Variants in DPP6 observed in about 807,000 individuals in gnomAD.
DPP6 encodes the protein A-type potassium channel modulatory protein DPP6.
In DPP6, 69 loss-of-function variants were observed where a neutral mutation model predicts 122.6. That is an observed-to-expected ratio of 0.56 (90% CI 0.46 to 0.69). The LOEUF is 0.69. Ranked by LOEUF, DPP6 falls within the 30% of genes least tolerant of loss-of-function variation. The pLI, the probability that DPP6 is intolerant of heterozygous loss-of-function variation, is 0.00. For synonymous variants in DPP6, 418 were observed against 433.1 expected (o/e 0.97, Z 0.43); for missense variants, 928 against 1,116.9 (o/e 0.83, Z 2.41).
chr7:153,868,351 G>A, the DPP6 span, among the ~76,000 whole-genome samples: 1 of 152,106 alleles, frequency 6.6e-6, no homozygotes, highest in Non-Finnish European at 1.5e-5. Flanking sequence ...TCTATTCAGA[G>A]ATTCAAATTC....
chr7:154,437,375 C>T (rs1239865846), intron 1 of DPP6, among the ~76,000 whole-genome samples: 2 of 152,148 alleles, frequency 1.3e-5, no homozygotes, highest in African/African-American at 4.8e-5. Context: ...TCAGGAAGAG[C>T]CCATCCTCTT....
intron 1 of DPP6, among the ~76,000 whole-genome samples, chr7:154,017,625 G>A (rs150512709): frequency 6.6e-5 from 10 of 151,084 alleles, no homozygotes; most frequent in East Asian, 3.9e-4. Context: ...GCTTGAGCCC[G>A]GAATTTTAAG....
At chr7:154,453,849 T>G (rs773959818) in intron 2 of DPP6, among the ~76,000 whole-genome samples, 1 of 152,212 alleles carries the variant, frequency 6.6e-6, no homozygotes. Flanking sequence ...AGATTCATAG[T>G]TGTATTTTAG....
At chr7:153,987,324 T>G (rs1184189690) in intron 1 of DPP6, among the ~76,000 whole-genome samples, 4 of 152,262 alleles carry the variant, frequency 2.6e-5, no homozygotes, top group Non-Finnish European at 5.9e-5. Context: ...CAATGCAATT[T>G]GCTTACGTTG....
chr7:153,779,320 A>G, the DPP6 span, among the ~76,000 whole-genome samples: 5 of 151,208 alleles, frequency 3.3e-5, no homozygotes, highest in African/African-American at 1.2e-4. Context: ...AAATTAGAAC[A>G]CTCAATTATA....
intron 4 of DPP6, among the ~76,000 whole-genome samples, chr7:154,546,368 C>A (rs551750420): frequency 6.6e-6 from 1 of 151,276 alleles, no homozygotes; most frequent in Non-Finnish European, 1.5e-5. Flanking sequence ...TAATTTTAAT[C>A]GGGATTTAAA....
chr7:153,894,418 C>G (rs7810025), intron 1 of DPP6, among the ~76,000 whole-genome samples: 2,171 of 152,256 alleles, frequency 0.014, 57 homozygotes, highest in African/African-American at 0.05. Flanking sequence ...AAGCTCAGAA[C>G]AGACAGGCAG....
intron 16 of DPP6, among the ~76,000 whole-genome samples, chr7:154,842,642 T>C (rs897008019): frequency 1.3e-5 from 2 of 152,208 alleles, no homozygotes; most frequent in South Asian, 2.1e-4. Flanking sequence ...CGACCTTATA[T>C]GTGGGTTGTG....
chr7:154,853,087 G>C lies in DPP6; in HGVS notation c.1667-693G>C, dbSNP rs185641246. On this transcript the variant is annotated intron_variant, in intron 16 of 25. Coordinates refer to ENST00000377770, the MANE Select transcript of DPP6 (RefSeq NM_130797.4). Reference sequence around the variant, plus strand: ...GCCTGCCTCTTAATGTTTTCAAAAAGATATAGAAAATAATTCAGGGAGACT... The same window carrying C: ...GCCTGCCTCTTAATGTTTTCAAAAACATATAGAAAATAATTCAGGGAGACT... Among the ~76,000 whole-genome samples, 186 of 152,138 alleles carry C rather than the reference G, an allele frequency of 1.2e-3. 2 individuals are homozygous for C. The East Asian group carries it at 0.032, about 26-fold the overall frequency.
chr7:153,789,911 G>C, the DPP6 span, among the ~76,000 whole-genome samples: 1 of 152,112 alleles, frequency 6.6e-6, no homozygotes, highest in Non-Finnish European at 1.5e-5. Flanking sequence ...TCAAAGGTCA[G>C]CTGGATCTAT....
chr7:154,658,137 C>G lies in DPP6; in HGVS notation c.681-11223C>G, dbSNP rs913361926. Among the ~76,000 whole-genome samples the G allele has an allele frequency of 6.6e-5, 10 of 152,312 alleles. No homozygotes were observed. The East Asian group carries it at 1.9e-3, about 30-fold the overall frequency. Reference sequence around the variant, plus strand: ...AGACGGATGGATTTGTCACAACTCACAGAACACACAGGCAAAGGGTGAACC... The same window carrying G: ...AGACGGATGGATTTGTCACAACTCAGAGAACACACAGGCAAAGGGTGAACC... On this transcript the variant is annotated intron_variant, in intron 6 of 25. Transcript: ENST00000377770.
At chr7:154,101,985 C>T (rs376130831) in intron 1 of DPP6, among the ~76,000 whole-genome samples, 4,397 of 150,680 alleles carry the variant, frequency 0.029, 207 homozygotes, top group African/African-American at 0.1. Context: ...TTGCTCCTAC[C>T]GTCTTACTCA....
chr7:154,501,598 T>C (rs1825254153), intron 3 of DPP6, among the ~76,000 whole-genome samples: 1 of 152,130 alleles, frequency 6.6e-6, no homozygotes, highest in Non-Finnish European at 1.5e-5. Context: ...ATTGAGCCTG[T>C]GGGTGCACAG....
chr7:154,264,680 A>G (rs1192938971), intron 1 of DPP6, among the ~76,000 whole-genome samples: 2 of 151,904 alleles, frequency 1.3e-5, no homozygotes, highest in East Asian at 1.9e-4. Flanking sequence ...GATCCTGATG[A>G]TGGTGTTGAT....
chr7:153,822,410 C>T, the DPP6 span, among the ~76,000 whole-genome samples: 786 of 152,102 alleles, frequency 5.2e-3, 6 homozygotes, highest in Middle Eastern at 6.8e-3. Flanking sequence ...AGACTAGTCT[C>T]GAACTCCTGA....
chr7:154,010,647 G>A (rs2533531), intron 1 of DPP6, among the ~76,000 whole-genome samples: 4 of 152,162 alleles, frequency 2.6e-5, no homozygotes, highest in Non-Finnish European at 4.4e-5. Context: ...TCACAGAATG[G>A]TTCCCTTTTT....
chr7:154,216,344 C>T (rs1368846232), intron 1 of DPP6, among the ~76,000 whole-genome samples: 2 of 152,184 alleles, frequency 1.3e-5, no homozygotes, highest in Non-Finnish European at 2.9e-5. Flanking sequence ...TCTGGAAAAG[C>T]ACTGGACAGT....
chr7:154,025,924 CT>C (rs2129053286), intron 1 of DPP6, among the ~76,000 whole-genome samples: 1 of 142,038 alleles, frequency 7.0e-6, no homozygotes, highest in East Asian at 2.1e-4. Context: ...CGTGCACATT[CT>C]CAGAAAGACC....
intron 7 of DPP6, among the ~76,000 whole-genome samples, chr7:154,703,108 G>A (rs891703416): frequency 6.6e-6 from 1 of 152,186 alleles, no homozygotes; most frequent in African/African-American, 2.4e-5. Context: ...ATACCATTGT[G>A]TAATGAATAT....
Sources: allele counts gnomAD v4.1 joint callset (sites outside exome capture counted in the v4.1 genomes callset), GRCh38; gene constraint gnomAD v4.1.1; transcripts MANE v1.5; gene names NCBI Gene and HGNC (gene_info 2026-07-23, HGNC 2026-07-21).